GID4: variants seen among roughly 807,000 people sequenced by gnomAD.
The protein encoded by GID4 is glucose-induced degradation protein 4 homolog.
Under a neutral mutation model 32.4 loss-of-function variants are expected in GID4, and 7 were observed. The ratio of observed to expected loss-of-function variants is 0.22; its 90% confidence interval spans 0.12 to 0.41. The LOEUF (loss-of-function observed/expected upper bound fraction) is 0.41. Among genes scored for constraint, GID4 ranks in the 10% least tolerant of loss-of-function variants. GID4 has a pLI of 1.00. For missense variants in GID4, 309 were observed against 400.0 expected (o/e 0.77, Z 1.94); for synonymous variants, 166 against 170.0 (o/e 0.98, Z 0.18).
chr17:18,044,870 A>C (rs1398903163), intron 1 of GID4, among the ~76,000 whole-genome samples: 2 of 152,202 alleles, frequency 1.3e-5, no homozygotes, highest in East Asian at 3.8e-4. Flanking sequence ...ATAGTACAGA[A>C]AATGAATTTG....
rs1472911039 is a variant in GID4, at chr17:18,039,842, C to T, written c.378C>T (p.Ser126=). The T allele has an allele frequency of 6.4e-7, 1 of 1,551,406 alleles. No homozygotes were observed. ...CCACCAGCCTGCTCTACAGCGGCTC[C>T]AAGTTCCGCGGCCACCAGAAGAGCA... is the stretch of plus-strand genomic sequence containing the variant. ...GVATSLLYSG[S]KFRGHQKSKG... The change falls in exon 1 of 6, where the codon TCC becomes TCT. Residue 126 remains serine (S), a synonymous_variant. Coordinates refer to ENST00000268719, the MANE Select transcript of GID4 (RefSeq NM_024052.5). The surrounding 1 kb of genome is among the most constrained non-coding windows in gnomAD (Gnocchi z 5.3).
intron 5 of GID4, among the ~76,000 whole-genome samples, chr17:18,062,423 G>A (rs550845421): frequency 3.2e-4 from 48 of 152,262 alleles, no homozygotes; most frequent in African/African-American, 1.1e-3. Flanking sequence ...TGACCTGGGG[G>A]CCTGTGAGTG....
chr17:18,041,487 G>C (rs2044802761), intron 1 of GID4, among the ~76,000 whole-genome samples: 1 of 152,218 alleles, frequency 6.6e-6, no homozygotes, highest in Non-Finnish European at 1.5e-5. Flanking sequence ...AGCCACGATA[G>C]TTATTATAAT....
In GID4 at chr17:18,054,139, C is replaced by T. The variant is rs1250231709; in HGVS notation, c.511C>T (p.Leu171Phe). ...IKGLTEEYPT[L>F]TTFFEGEIIS... is the part of the protein sequence containing the mutation. ...GTTTTTACCATAGGAGTATCCAACC[C>T]TTACAACCTTCTTCGAAGGAGAAAT... is the stretch of plus-strand genomic sequence containing the variant. Residue 171 changes from leucine to phenylalanine, a missense_variant, in exon 3 of 6, where the codon CTT becomes TTT. By Grantham distance (22) the Leu-to-Phe change is conservative. Coordinates refer to ENST00000268719, the MANE Select transcript of GID4 (RefSeq NM_024052.5). 6.2e-7 allele frequency: 1 copy of T among 1,604,984 alleles called. No individual in the cohort carries two copies. The highest frequency in any genetic ancestry group is 1.7e-5 in the Admixed American group (1 of 59,950).
chr17:18,054,501 T>C (rs1307200366), intron 3 of GID4, among the ~76,000 whole-genome samples: 1 of 152,198 alleles, frequency 6.6e-6, no homozygotes, highest in Admixed American at 6.5e-5. Context: ...ATCAGAATCT[T>C]AACAGTGTCC....
Position 18,045,215 on chromosome 17 carries a change from T to A in GID4, c.498+9T>A, listed in dbSNP as rs757621887. 16 of 1,610,234 alleles carry A rather than the reference T, an allele frequency of 9.9e-6. No individual in the cohort carries two copies. The highest frequency in any genetic ancestry group is 1.7e-4 in the Middle Eastern group (1 of 6,040). ...TTAAAGGCCTTACTGAGGTAAGCAC[T>A]TGCTCACACAAACCAGCACTAGAAA... On this transcript the variant is annotated intron_variant, in intron 2 of 5. Coordinates refer to ENST00000268719, the MANE Select transcript of GID4 (RefSeq NM_024052.5).
chr17:18,063,899 C>T (rs1403378015), intron 5 of GID4, among the ~76,000 whole-genome samples: 3 of 152,232 alleles, frequency 2.0e-5, no homozygotes, highest in Non-Finnish European at 2.9e-5. Context: ...CCTGCCACCA[C>T]GTCTGGCTAA....
rs141942244 is a variant in GID4 at position 18,042,435 on chromosome 17, A to G, written c.438+2533A>G. 2.3e-3 allele frequency among the ~76,000 whole-genome samples: 348 copies of G among 152,344 alleles called. 1 individual carries two copies. The Middle Eastern group carries it at 0.031, about 13-fold the overall frequency. On this transcript the variant is annotated intron_variant, in intron 1 of 5. Coordinates refer to ENST00000268719, the MANE Select transcript of GID4 (RefSeq NM_024052.5). ...TTGAGATTGGCTTCCTTCACTTAGC[A>G]TAATGTCCTCAAGGTTCATCCATAT...
At chr17:18,059,023 G>A (rs1045929865) in intron 4 of GID4, 54 bp downstream of exon 4, 17 of 984,666 alleles carry the variant, frequency 1.7e-5, no homozygotes, top group Non-Finnish European at 2.5e-5. Flanking sequence ...GCCCTGTATC[G>A]CACCTACATA....
At chr17:18,054,382 C>A (rs1567587220) in intron 3 of GID4, 148 bp downstream of exon 3, 1 of 527,350 alleles carries the variant, frequency 1.9e-6, no homozygotes, top group Non-Finnish European at 3.4e-6. Context: ...CTCAGTTGTT[C>A]CATCTTCCTT....
chr17:18,053,806 T>C (rs1416338920), intron 2 of GID4, among the ~76,000 whole-genome samples: 1 of 152,194 alleles, frequency 6.6e-6, no homozygotes, highest in East Asian at 1.9e-4. Context: ...ATGATCTGCT[T>C]TGTATGCTAG....
At chr17:18,042,708 G>A (rs959735736) in intron 1 of GID4, among the ~76,000 whole-genome samples, 1 of 152,158 alleles carries the variant, frequency 6.6e-6, no homozygotes, top group African/African-American at 2.4e-5. Context: ...ATGGTAACTG[G>A]GTTTTAACAT....
intron 3 of GID4, among the ~76,000 whole-genome samples, chr17:18,055,370 C>T (rs2044956142): frequency 1.3e-5 from 2 of 152,138 alleles, no homozygotes; most frequent in South Asian, 4.1e-4. Context: ...TATCTAAACT[C>T]TCCCCTGGTT....
intron 1 of GID4, among the ~76,000 whole-genome samples, chr17:18,043,276 G>C (rs902882349): frequency 1.3e-5 from 2 of 152,212 alleles, no homozygotes; most frequent in Admixed American, 6.5e-5. Context: ...GAGACGCTTG[G>C]TTGAATGGAG....
intron 5 of GID4, 28 bp downstream of exon 5, chr17:18,062,003 G>C (rs779837744): frequency 6.2e-7 from 1 of 1,609,614 alleles, no homozygotes; most frequent in African/African-American, 1.3e-5. Context: ...CAGAGGCCAC[G>C]GGGAGGGCTT....
At chr17:18,054,569 C>T (rs117918879) in intron 3 of GID4, among the ~76,000 whole-genome samples, 2,426 of 152,256 alleles carry the variant, frequency 0.016, 31 homozygotes, top group Non-Finnish European at 0.026. Context: ...CAAATCACCT[C>T]TGCTTGGGGA....
intron 5 of GID4, among the ~76,000 whole-genome samples, chr17:18,062,370 C>T (rs1380523767): frequency 1.3e-5 from 2 of 152,174 alleles, no homozygotes; most frequent in African/African-American, 4.8e-5. Context: ...TTTGTGGCTG[C>T]ATTCCTTAGA....
chr17:18,063,849 TCTC>T (rs1157438284), intron 5 of GID4, among the ~76,000 whole-genome samples: 2 of 152,116 alleles, frequency 1.3e-5, no homozygotes, highest in Non-Finnish European at 2.9e-5. Context: ...TTCAAGCAAT[TCTC>T]CTGCCTCAGC....
At chr17:18,064,703 G>T (rs1170927207) in intron 5 of GID4, among the ~76,000 whole-genome samples, 1 of 152,044 alleles carries the variant, frequency 6.6e-6, no homozygotes, top group Non-Finnish European at 1.5e-5. Flanking sequence ...TTAAATGAAA[G>T]GTAAAATACA....
Sources: allele counts gnomAD v4.1 joint callset (sites outside exome capture counted in the v4.1 genomes callset), GRCh38; gene constraint gnomAD v4.1.1; non-coding constraint Gnocchi (gnomAD v3.1); transcripts MANE v1.5; gene names NCBI Gene and HGNC (gene_info 2026-07-23, HGNC 2026-07-21).